UMAD1: variants seen among roughly 807,000 people sequenced by gnomAD.
The protein encoded by UMAD1 is UBAP1-MVB12-associated (UMA)-domain containing protein 1.
A neutral mutation model predicts 6.1 loss-of-function variants in UMAD1; 8 were observed. That is an observed-to-expected ratio of 1.30 (90% confidence interval 0.76 to 2.35). The LOEUF is 2.35. UMAD1 is among the 30% of genes most tolerant of loss of function. UMAD1 has a pLI of 0.00. For missense variants in UMAD1, 130 were observed against 78.4 expected (o/e 1.66, Z -2.49); for synonymous variants, 56 against 31.4 (o/e 1.78, Z -2.61).
intron 2 of UMAD1, among the ~76,000 whole-genome samples, chr7:7,720,625 G>C (rs1442321911): frequency 6.6e-6 from 1 of 152,006 alleles, no homozygotes; most frequent in Non-Finnish European, 1.5e-5. Flanking sequence ...ATTATAAAAA[G>C]ACTTTTTGAG....
intron 1 of UMAD1, among the ~76,000 whole-genome samples, chr7:7,669,437 G>A (rs1015864845): frequency 1.1e-4 from 16 of 152,124 alleles, no homozygotes; most frequent in Non-Finnish European, 1.3e-4. Context: ...TGTAGGTTAC[G>A]TTTTTATACC....
At chr7:7,733,866 C>T (rs375965794) in intron 2 of UMAD1, among the ~76,000 whole-genome samples, 20 of 151,952 alleles carry the variant, frequency 1.3e-4, no homozygotes, top group Middle Eastern at 3.4e-3. Context: ...AGACTTCTGT[C>T]ACACATAATA....
intron 2 of UMAD1, among the ~76,000 whole-genome samples, chr7:7,717,060 C>CTTTTTTT (rs766644906): frequency 9.2e-5 from 13 of 141,622 alleles, no homozygotes; most frequent in African/African-American, 3.2e-4. Flanking sequence ...TTCTTTTTTT[C>CTTTTTTT]TTTTTTTTTT....
intron 2 of UMAD1, among the ~76,000 whole-genome samples, chr7:7,677,974 A>T (rs1240410659): frequency 6.6e-6 from 1 of 152,274 alleles, no homozygotes; most frequent in East Asian, 1.9e-4. Context: ...CGCCCGGCCT[A>T]TCTATTCATC....
At chr7:7,748,163 C>G (rs1036883792) in intron 2 of UMAD1, among the ~76,000 whole-genome samples, 5 of 150,394 alleles carry the variant, frequency 3.3e-5, no homozygotes, top group Non-Finnish European at 7.4e-5. Flanking sequence ...CCAGGATGGT[C>G]TTGATCTCTT....
rs1302359802 is a variant in UMAD1 at position 7,711,408 on chromosome 7, A to T, written c.82+37955A>T. On this transcript the variant is annotated intron_variant, in intron 2 of 3. Transcript: ENST00000682710. Reference sequence around the variant, plus strand: ...TGTTAACTTTAGTAAATCATGGCAAATTTTTTTCCCAAGTGGTATATGAAA... The same window carrying T: ...TGTTAACTTTAGTAAATCATGGCAATTTTTTTTCCCAAGTGGTATATGAAA... Among the ~76,000 whole-genome samples, 4 of 152,180 alleles carry T rather than the reference A, an allele frequency of 2.6e-5. No individual in the cohort carries two copies. In the East Asian group the frequency reaches 5.8e-4, roughly 22 times the overall value.
rs536859025 is a variant in UMAD1, at chr7:7,661,525, C to T, written c.-63-11784C>T. 5.9e-5 allele frequency among the ~76,000 whole-genome samples: 9 copies of T among 152,190 alleles called. No individual in the cohort carries two copies. The South Asian group carries it at 1.9e-3, about 32-fold the overall frequency. ...ACATCATTTTGTTGATGTTGATGCT[C>T]CTCCTTTCTGTTTGTTAGTTTTCCT... On this transcript the variant is annotated intron_variant, in intron 1 of 3. Coordinates refer to ENST00000682710, the MANE Select transcript of UMAD1 (RefSeq NM_001302348.2).
chr7:7,656,264 A>G (rs939387682), intron 1 of UMAD1, among the ~76,000 whole-genome samples: 3 of 152,168 alleles, frequency 2.0e-5, no homozygotes, highest in African/African-American at 7.2e-5. Context: ...AAAAAGAACA[A>G]TGTAAAGTCT....
At chr7:7,775,616 C>T (rs1782189801) in intron 2 of UMAD1, among the ~76,000 whole-genome samples, 2 of 152,148 alleles carry the variant, frequency 1.3e-5, no homozygotes, top group African/African-American at 2.4e-5. Context: ...CACTACTACA[C>T]CCACTAGAAA....
chr7:7,750,148 T>C (rs1261784727), intron 2 of UMAD1, among the ~76,000 whole-genome samples: 1 of 152,222 alleles, frequency 6.6e-6, no homozygotes, highest in Non-Finnish European at 1.5e-5. Context: ...CTACTACATA[T>C]TAGCTCTTTA....
intron 1 of UMAD1, among the ~76,000 whole-genome samples, chr7:7,661,295 C>T (rs1022533319): frequency 1.3e-5 from 2 of 152,082 alleles, no homozygotes; most frequent in African/African-American, 2.4e-5. Flanking sequence ...TTGTTATTAC[C>T]CATCTCTGAA....
rs1269276496 is a variant in UMAD1, at chr7:7,784,331, ATC to A, written c.83-17335_83-17334del. On this transcript the variant is annotated intron_variant, in intron 2 of 3. Transcript: ENST00000682710. ...CATGACTTAAAATTTTCTACTTAAA[ATC>A]TCTGTTTTTTTTTTTTTTTTGAGAC... Among the ~76,000 whole-genome samples, 21 of 128,648 alleles carry A rather than the reference ATC, an allele frequency of 1.6e-4. No homozygotes were observed. The East Asian group carries it at 4.4e-3, about 27-fold the overall frequency. 84.4% of individuals were successfully genotyped at this position (128,648 alleles called of 152,430 possible).
intron 2 of UMAD1, among the ~76,000 whole-genome samples, chr7:7,778,275 TGAGAGAGA>T (rs1554327252): frequency 9.0e-6 from 1 of 110,594 alleles, no homozygotes; most frequent in African/African-American, 3.8e-5. Context: ...TGTGTGTGTG[TGAGAGAGA>T]GAGAGAGAGA....
rs193291499 is a variant in UMAD1, at chr7:7,857,612, T to G, written c.157-19669T>G. Reference sequence around the variant, plus strand: ...AGTTCTTAAATTTCACTGGAATACATTTAGGTAAGGTAAACAGTTATTTTT... The same window carrying G: ...AGTTCTTAAATTTCACTGGAATACAGTTAGGTAAGGTAAACAGTTATTTTT... On this transcript the variant is annotated intron_variant, in intron 3 of 3. Coordinates refer to ENST00000682710, the MANE Select transcript of UMAD1 (RefSeq NM_001302348.2). Among the ~76,000 whole-genome samples the G allele has an allele frequency of 3.9e-5, 6 of 152,310 alleles. No homozygotes were observed. The East Asian group carries it at 9.6e-4, about 24-fold the overall frequency.
At chr7:7,814,823 G>C (rs1783093160) in intron 3 of UMAD1, among the ~76,000 whole-genome samples, 1 of 152,128 alleles carries the variant, frequency 6.6e-6, no homozygotes, top group Non-Finnish European at 1.5e-5. Flanking sequence ...GAGTATGGCA[G>C]TCAGCTACAC....
chr7:7,827,711 G>C (rs1563239653), intron 3 of UMAD1, among the ~76,000 whole-genome samples: 1 of 152,038 alleles, frequency 6.6e-6, no homozygotes, highest in Non-Finnish European at 1.5e-5. Context: ...TCTTCAGTGG[G>C]CAAAATGGAA....
At chr7:7,833,414 G>C (rs1583859341) in intron 3 of UMAD1, among the ~76,000 whole-genome samples, 3 of 152,128 alleles carry the variant, frequency 2.0e-5, no homozygotes, top group Admixed American at 2.0e-4. Context: ...CCACCGAGGG[G>C]GATTCAGAGA....
intron 2 of UMAD1, among the ~76,000 whole-genome samples, chr7:7,699,953 G>A (rs1199522522): frequency 1.3e-5 from 2 of 152,170 alleles, no homozygotes; most frequent in African/African-American, 4.8e-5. Context: ...AATTCCTGAA[G>A]TGAAAGTAAA....
intron 2 of UMAD1, among the ~76,000 whole-genome samples, chr7:7,778,940 A>G (rs1235192853): frequency 1.3e-5 from 2 of 152,228 alleles, no homozygotes; most frequent in African/African-American, 4.8e-5. Flanking sequence ...CGTTAGGCTA[A>G]GCATTTTATA....
Sources: allele counts gnomAD v4.1 joint callset (sites outside exome capture counted in the v4.1 genomes callset), GRCh38; gene constraint gnomAD v4.1.1; transcripts MANE v1.5; gene names NCBI Gene and HGNC (gene_info 2026-07-23, HGNC 2026-07-21).